The following SGCD variants were observed in gnomAD, a reference collection of about 807,000 sequenced individuals.
The protein encoded by SGCD is sarcoglycan delta, also known as delta-sarcoglycan.
SGCD carries 18 observed loss-of-function variants against 36.6 expected under a neutral mutation model. That is an observed-to-expected ratio of 0.49 (90% confidence interval 0.34 to 0.73). The LOEUF (loss-of-function observed/expected upper bound fraction) is 0.73, where lower values mean the gene tolerates loss of function less well. Among genes scored for constraint, SGCD ranks in the 30% least tolerant of loss-of-function variants. The probability of loss-of-function intolerance (pLI) is 0.01; values close to 1 mark genes in which losing one functional copy is unlikely to be tolerated. For missense variants in SGCD, 387 were observed against 346.7 expected, an observed-to-expected ratio of 1.12 and a Z score of -0.92; for synonymous variants, 133 against 130.6, an observed-to-expected ratio of 1.02 and a Z score of -0.12.
chr5:156,024,918 A>C (rs894976540), intron 1 of SGCD, among the ~76,000 whole-genome samples: 2 of 151,272 alleles, frequency 1.3e-5, no homozygotes, highest in African/African-American at 4.9e-5. Context: ...AGATCGTGCC[A>C]CTGCACTCCA....
intron 3 of SGCD, among the ~76,000 whole-genome samples, chr5:156,177,837 G>A (rs1763508918): frequency 6.6e-6 from 1 of 152,062 alleles, no homozygotes; most frequent in Admixed American, 6.6e-5. Flanking sequence ...TTTGTTTAAT[G>A]GGCGGCATTG....
chr5:156,553,853 A>T (rs962264245), intron 4 of SGCD, among the ~76,000 whole-genome samples: 3 of 152,224 alleles, frequency 2.0e-5, no homozygotes, highest in African/African-American at 7.2e-5. Flanking sequence ...CTATCCATTC[A>T]TCAGTTGATG....
chr5:156,675,767 G>A (rs961858879), intron 7 of SGCD, among the ~76,000 whole-genome samples: 1 of 152,148 alleles, frequency 6.6e-6, no homozygotes, highest in Non-Finnish European at 1.5e-5. Context: ...CAGGGTGGCA[G>A]CATTGTCTAA....
intron 3 of SGCD, among the ~76,000 whole-genome samples, chr5:156,366,949 T>C (rs1488724728): frequency 6.6e-6 from 1 of 152,232 alleles, no homozygotes; most frequent in East Asian, 1.9e-4. Context: ...GTTTATCTTC[T>C]ATAAAGAAAT....
intron 3 of SGCD, among the ~76,000 whole-genome samples, chr5:156,371,655 G>A (rs947562064): frequency 2.0e-5 from 3 of 152,156 alleles, no homozygotes; most frequent in Admixed American, 6.5e-5. Context: ...TTAGAACCAC[G>A]TTTGTGATAC....
intron 1 of SGCD, among the ~76,000 whole-genome samples, chr5:156,073,413 G>A (rs186299193): frequency 1.2e-4 from 19 of 152,048 alleles, no homozygotes; most frequent in Admixed American, 5.9e-4. Context: ...GCCAAAAAAA[G>A]TTAGCTAGGA....
At chr5:155,887,757 T>C (rs138527107) in intron 1 of SGCD, among the ~76,000 whole-genome samples, 121 of 152,332 alleles carry the variant, frequency 7.9e-4, no homozygotes, top group African/African-American at 2.8e-3. Context: ...TTTACCAGAC[T>C]TCTAAGCTAG....
intron 2 of SGCD, among the ~76,000 whole-genome samples, chr5:156,335,866 T>C (rs774015575): frequency 6.6e-6 from 1 of 152,172 alleles, no homozygotes; most frequent in Non-Finnish European, 1.5e-5. Flanking sequence ...CACCTGTCTA[T>C]AGGCCTGGGC....
Position 156,498,935 on chromosome 5 carries a change from CGTGTGT to C in SGCD, c.193-9643_193-9638del, listed in dbSNP as rs71577198. ...CAGGTTCTTGCCATCATGTGTGCTA[CGTGTGT>C]GTGTGTGTGTGTGTGTGTGTGTATG... is the stretch of plus-strand genomic sequence containing the variant. On this transcript the variant is annotated intron_variant, in intron 3 of 8. Coordinates refer to ENST00000337851, the MANE Select transcript of SGCD (RefSeq NM_000337.6). Among the ~76,000 whole-genome samples the C allele has an allele frequency of 2.5e-4, 38 of 149,458 alleles. 1 individual carries two copies. Among genetic ancestry groups the C allele is most frequent in the South Asian group, 4.3e-4 (2 of 4,648 alleles).
At chr5:156,632,412 T>C (rs1158975413) in intron 6 of SGCD, among the ~76,000 whole-genome samples, 1 of 152,220 alleles carries the variant, frequency 6.6e-6, no homozygotes, top group Non-Finnish European at 1.5e-5. Flanking sequence ...ACTATCCCAC[T>C]TTCCTCCTTT....
At chr5:155,838,158 T>G in the SGCD span, among the ~76,000 whole-genome samples, 1 of 152,178 alleles carries the variant, frequency 6.6e-6, no homozygotes, top group African/African-American at 2.4e-5. Flanking sequence ...ATAAGCACTT[T>G]TAGTAAATGT....
intron 3 of SGCD, among the ~76,000 whole-genome samples, chr5:156,181,295 A>C (rs959016204): frequency 1.3e-4 from 20 of 152,204 alleles, no homozygotes; most frequent in African/African-American, 4.6e-4. Flanking sequence ...AAAATGCAAA[A>C]TATTACTGAG....
At chr5:156,509,770 C>A (rs541104160) in intron 4 of SGCD, among the ~76,000 whole-genome samples, 10 of 152,296 alleles carry the variant, frequency 6.6e-5, no homozygotes, top group African/African-American at 2.2e-4. Context: ...CCTTTGTTAA[C>A]CACTGTTATT....
At chr5:156,743,644 A>G (rs913073332) in intron 7 of SGCD, among the ~76,000 whole-genome samples, 20 of 152,142 alleles carry the variant, frequency 1.3e-4, no homozygotes, top group African/African-American at 4.8e-4. Flanking sequence ...ATAGAAGCAA[A>G]TCTCAAAATG....
chr5:155,968,668 T>C (rs1047603702), intron 1 of SGCD, among the ~76,000 whole-genome samples: 26 of 152,096 alleles, frequency 1.7e-4, no homozygotes, highest in African/African-American at 6.3e-4. Context: ...GTTTCAGGCA[T>C]CTACTGGGGA....
Position 156,594,994 on chromosome 5 carries a change from C to G in SGCD, c.445C>G (p.Leu149Val), listed in dbSNP as rs773913280. The G allele has an allele frequency of 6.2e-7, 1 of 1,612,348 alleles. No homozygotes were observed. Among genetic ancestry groups the G allele is most frequent in the East Asian group, 2.2e-5 (1 of 44,842 alleles). The change falls in exon 6 of 9, where the codon CTC becomes GTC. Residue 149 changes from leucine (L) to valine (V), a missense_variant. By Grantham distance (32) the Leu-to-Val change is conservative. Coordinates refer to ENST00000337851, the MANE Select transcript of SGCD (RefSeq NM_000337.6). Reference protein sequence around the residue: ...FEVKTVSGKLLFSADNNEVVV... With the variant: ...FEVKTVSGKLVFSADNNEVVV... ...GGTAAAAACTGTTTCTGGAAAATTG[C>G]TCTTCTCTGCAGACAATAATGAAGT... is the stretch of plus-strand genomic sequence containing the variant.
intron 7 of SGCD, among the ~76,000 whole-genome samples, chr5:156,744,284 T>G (rs1561892279): frequency 6.6e-6 from 1 of 152,218 alleles, no homozygotes; most frequent in Non-Finnish European, 1.5e-5. Flanking sequence ...AAGGTGAGAA[T>G]GCAGCATCTG....
intron 1 of SGCD, among the ~76,000 whole-genome samples, chr5:155,928,922 G>A (rs185061814): frequency 2.0e-3 from 303 of 152,112 alleles, no homozygotes; most frequent in Admixed American, 2.6e-3. Flanking sequence ...TTGAGACTAC[G>A]TTAGGGGGTG....
At chr5:155,924,058 T>C (rs1335736796) in intron 1 of SGCD, among the ~76,000 whole-genome samples, 2 of 151,994 alleles carry the variant, frequency 1.3e-5, no homozygotes, top group Non-Finnish European at 1.5e-5. Context: ...CAGTGCTCTC[T>C]GGTGACCCAA....
Sources: allele counts gnomAD v4.1 joint callset (sites outside exome capture counted in the v4.1 genomes callset), GRCh38; gene constraint gnomAD v4.1.1; transcripts MANE v1.5; gene names NCBI Gene and HGNC (gene_info 2026-07-23, HGNC 2026-07-21).